NEGR1: variants seen among roughly 807,000 people sequenced by gnomAD.
The protein encoded by NEGR1 is IgLON family member 4.
A neutral mutation model predicts 40.9 loss-of-function variants in NEGR1; 10 were observed. The observed-to-expected ratio is 0.24, with a 90% confidence interval of 0.15 to 0.42. The LOEUF is 0.42. Ranked by LOEUF, NEGR1 falls within the 10% of genes least tolerant of loss-of-function variation. The probability of loss-of-function intolerance (pLI) is 1.00; values close to 1 mark genes in which losing one functional copy is unlikely to be tolerated. For synonymous variants in NEGR1, 185 were observed against 166.8 expected (o/e 1.11, Z -0.84); for missense variants, 352 against 438.9 (o/e 0.80, Z 1.77).
At chr1:71,965,681 C>A (rs1646204434) in intron 1 of NEGR1, among the ~76,000 whole-genome samples, 1 of 151,990 alleles carries the variant, frequency 6.6e-6, no homozygotes, top group Non-Finnish European at 1.5e-5. Flanking sequence ...TGTAATTGTT[C>A]ACTTGTGATT....
At chr1:71,695,957 T>C (rs911235135) in intron 4 of NEGR1, among the ~76,000 whole-genome samples, 6 of 151,788 alleles carry the variant, frequency 4.0e-5, no homozygotes, top group African/African-American at 1.2e-4. Context: ...CTATGTACAG[T>C]TGTCACCTAG....
chr1:72,143,427 G>C (rs1334186803), intron 1 of NEGR1, among the ~76,000 whole-genome samples: 1 of 151,628 alleles, frequency 6.6e-6, no homozygotes, highest in Admixed American at 6.6e-5. Context: ...AGTGAGGAGA[G>C]GATAAAGATA....
At chr1:72,141,617 A>G (rs1320613221) in intron 1 of NEGR1, among the ~76,000 whole-genome samples, 1 of 152,052 alleles carries the variant, frequency 6.6e-6, no homozygotes, top group Non-Finnish European at 1.5e-5. Context: ...TCAAAGAGTG[A>G]CAGTCTGATT....
intron 1 of NEGR1, among the ~76,000 whole-genome samples, chr1:72,208,709 T>G (rs777045606): frequency 1.3e-5 from 2 of 151,690 alleles, no homozygotes; most frequent in Non-Finnish European, 3.0e-5. Flanking sequence ...TTATTTCAAA[T>G]ACAAATATAT....
chr1:71,774,595 A>C (rs1387301608), intron 3 of NEGR1, among the ~76,000 whole-genome samples: 1 of 152,182 alleles, frequency 6.6e-6, no homozygotes, highest in Non-Finnish European at 1.5e-5. Context: ...TACATGTTTC[A>C]ATTGTGCTTG....
intron 1 of NEGR1, among the ~76,000 whole-genome samples, chr1:72,013,031 G>C (rs974251882): frequency 4.0e-5 from 6 of 151,704 alleles, no homozygotes; most frequent in Admixed American, 4.0e-4. Flanking sequence ...TAGCATGATG[G>C]AATAACAGGA....
At chr1:71,843,595 A>G (rs1458723164) in intron 2 of NEGR1, among the ~76,000 whole-genome samples, 1 of 152,130 alleles carries the variant, frequency 6.6e-6, no homozygotes, top group East Asian at 1.9e-4. Context: ...AACTTAAGTT[A>G]CATTCTGTTA....
At chr1:72,102,113 C>T (rs1186107009) in intron 1 of NEGR1, among the ~76,000 whole-genome samples, 1 of 151,970 alleles carries the variant, frequency 6.6e-6, no homozygotes, top group Non-Finnish European at 1.5e-5. Flanking sequence ...AAACTAAAGA[C>T]ACATTTAAGT....
chr1:71,464,578 TA>T (rs1214139267), intron 6 of NEGR1, among the ~76,000 whole-genome samples: 1 of 152,138 alleles, frequency 6.6e-6, no homozygotes, highest in Non-Finnish European at 1.5e-5. Context: ...ATTGAGTTTT[TA>T]TTACAGATTA....
chr1:72,044,824 C>T (rs1646987139), intron 1 of NEGR1, among the ~76,000 whole-genome samples: 1 of 151,744 alleles, frequency 6.6e-6, no homozygotes, highest in Non-Finnish European at 1.5e-5. Flanking sequence ...TGATAAATGG[C>T]TTATGAATAG....
intron 1 of NEGR1, among the ~76,000 whole-genome samples, chr1:72,091,435 C>T (rs1245517573): frequency 1.4e-5 from 2 of 142,686 alleles, no homozygotes; most frequent in East Asian, 4.5e-4. Context: ...CTCCTTCCCT[C>T]CCTCCCTAAC....
At chr1:71,644,552 A>G (rs1278665276) in intron 4 of NEGR1, among the ~76,000 whole-genome samples, 1 of 151,910 alleles carries the variant, frequency 6.6e-6, no homozygotes, top group African/African-American at 2.4e-5. Flanking sequence ...ATGTATCTCA[A>G]GACTGTGAGA....
At chr1:71,426,751 A>G (rs1447103643) in intron 6 of NEGR1, among the ~76,000 whole-genome samples, 1 of 152,246 alleles carries the variant, frequency 6.6e-6, no homozygotes, top group Non-Finnish European at 1.5e-5. Context: ...GGTATTTTGC[A>G]GGGTGTAATT....
At chr1:71,569,400 G>C (rs951851624) in intron 6 of NEGR1, among the ~76,000 whole-genome samples, 6 of 152,248 alleles carry the variant, frequency 3.9e-5, no homozygotes, top group South Asian at 2.1e-4. Flanking sequence ...GTAGGAAATA[G>C]AGCCAGCACA....
chr1:71,697,798 AGACT>A, intron 4 of NEGR1: 1 of 546,272 alleles, frequency 1.8e-6, no homozygotes, highest in East Asian at 3.1e-5. Flanking sequence ...TCCATACATC[AGACT>A]GAATTATTGT....
chr1:71,999,747 C>T (rs1202003004), intron 1 of NEGR1, among the ~76,000 whole-genome samples: 1 of 142,970 alleles, frequency 7.0e-6, no homozygotes, highest in African/African-American at 2.6e-5. Context: ...ACTAAACATA[C>T]ATACATTTTA....
chr1:71,738,569 G>T (rs1655110566), intron 3 of NEGR1, among the ~76,000 whole-genome samples: 1 of 152,090 alleles, frequency 6.6e-6, no homozygotes, highest in African/African-American at 2.4e-5. Flanking sequence ...CGCCCTCAAG[G>T]GAGGAAGGAG....
chr1:71,869,386 T>A lies in NEGR1; in HGVS notation c.409+65693A>T, dbSNP rs192379990. The stretch of plus-strand genomic sequence containing the variant: ...AAAAAATAAATGAATAATTGTGAAA[T>A]AGCCAAAAATACTAAAATACAGCTA... On this transcript the variant is annotated intron_variant, in intron 2 of 6. Transcript: ENST00000357731. 3.3e-5 allele frequency among the ~76,000 whole-genome samples: 5 copies of A among 152,180 alleles called. No homozygotes were observed. The East Asian group carries it at 9.6e-4, about 29-fold the overall frequency.
Position 71,659,754 on chromosome 1 carries a change from G to T in NEGR1, c.667+38254C>A, listed in dbSNP as rs143855758. ...TAAATCTCACTGATCATTAGAGAAA[G>T]GCAAATCAAAGCCACAATGAGATGC... On this transcript the variant is annotated intron_variant, in intron 4 of 6. Transcript: ENST00000357731. 5.6e-4 allele frequency among the ~76,000 whole-genome samples: 85 copies of T among 152,172 alleles called. 1 individual carries two copies. In the East Asian group the frequency reaches 0.016, roughly 28 times the overall value.
Sources: allele counts gnomAD v4.1 joint callset (sites outside exome capture counted in the v4.1 genomes callset), GRCh38; gene constraint gnomAD v4.1.1; transcripts MANE v1.5; gene names NCBI Gene and HGNC (gene_info 2026-07-23, HGNC 2026-07-21).